NSD1: variants seen among roughly 807,000 people sequenced by gnomAD.
NSD1 encodes the protein nuclear receptor binding SET domain protein 1.
NSD1 carries 26 observed loss-of-function variants against 242.7 expected under a neutral mutation model. That is an observed-to-expected ratio of 0.11 (90% CI 0.08 to 0.15). The LOEUF (loss-of-function observed/expected upper bound fraction) is 0.15. Among genes scored for constraint, NSD1 ranks in the 10% least tolerant of loss-of-function variants. The pLI, the probability that NSD1 is intolerant of heterozygous loss-of-function variation, is 1.00. For missense variants in NSD1, 2,495 were observed against 3,272.8 expected (o/e 0.76, Z 5.80); for synonymous variants, 1,106 against 1,178.1 (o/e 0.94, Z 1.25).
chr5:177,216,963 C>A (rs1293013231), intron 5 of NSD1, among the ~76,000 whole-genome samples: 1 of 122,100 alleles, frequency 8.2e-6, no homozygotes, highest in Non-Finnish European at 1.8e-5. Flanking sequence ...TTTTTTTTTT[C>A]TTCTCAAGAT....
At chr5:177,150,644 A>C (rs556511882) in intron 2 of NSD1, among the ~76,000 whole-genome samples, 2 of 152,158 alleles carry the variant, frequency 1.3e-5, no homozygotes, top group Non-Finnish European at 2.9e-5. Context: ...GATAAAATCT[A>C]TTTTAGAGAA....
chr5:177,242,336 T>C (rs1765937979), intron 8 of NSD1, among the ~76,000 whole-genome samples: 1 of 152,118 alleles, frequency 6.6e-6, no homozygotes, highest in South Asian at 2.1e-4. Flanking sequence ...TTGAATTGGA[T>C]ACCTGACATT....
intron 14 of NSD1, among the ~76,000 whole-genome samples, 182 bp from the exon 15 acceptor site, chr5:177,267,380 T>C (rs187702237): frequency 7.9e-5 from 12 of 152,222 alleles, no homozygotes; most frequent in Admixed American, 7.2e-4. Flanking sequence ...AACCTGAACC[T>C]GACGAGAGTT....
rs1760215711 is a variant in NSD1, at chr5:177,295,734, G to A, written c.*275G>A. On this transcript the variant is annotated 3_prime_UTR_variant, in exon 23 of 23. Transcript: ENST00000439151. This position sits in a 1 kb window ranked among gnomAD's most constrained non-coding sequence, Gnocchi z 4.3. The stretch of plus-strand genomic sequence containing the variant: ...CCCCCAACTTTTCCACATGGTCATC[G>A]TGAAATAAAAAGTCCACTCTGGAGT... 9.2e-6 allele frequency: 5 copies of A among 542,604 alleles called. No homozygotes were observed. Among genetic ancestry groups the A allele is most frequent in the South Asian group, 2.0e-5 (1 of 48,996 alleles). 33.6% of individuals were successfully genotyped at this position (542,604 alleles called of 1,614,324 possible).
chr5:177,139,818 G>T (rs941592606), intron 2 of NSD1, among the ~76,000 whole-genome samples: 27 of 151,952 alleles, frequency 1.8e-4, no homozygotes, highest in African/African-American at 6.3e-4. Context: ...TGGTATGCCT[G>T]TAGTCCCAGC....
intron 2 of NSD1, among the ~76,000 whole-genome samples, chr5:177,170,518 T>A (rs1482061033): frequency 6.6e-6 from 1 of 151,606 alleles, no homozygotes; most frequent in African/African-American, 2.4e-5. Context: ...GCCCGGCTAA[T>A]TTTTTTTGTA....
chr5:177,204,915 G>A lies in NSD1; in HGVS notation c.1236+623G>A, dbSNP rs976065493. Among the ~76,000 whole-genome samples the A allele has an allele frequency of 2.0e-5, 3 of 152,152 alleles. No individual in the cohort carries two copies. In the South Asian group the frequency reaches 6.2e-4, roughly 32 times the overall value. On this transcript the variant is annotated intron_variant, in intron 4 of 22. Transcript: ENST00000439151. ...ACTCAGTAGTGAAAATTATGACATA[G>A]CGTGACCATTCTTTTGTTATCTTTT...
At chr5:177,173,870 G>A (rs1309479358) in intron 2 of NSD1, among the ~76,000 whole-genome samples, 1 of 152,164 alleles carries the variant, frequency 6.6e-6, no homozygotes, top group East Asian at 1.9e-4. Flanking sequence ...ATTCATATGT[G>A]TTCTAATGCG....
In NSD1 at chr5:177,178,413, A is replaced by ATGG. The variant is rs1760383903; in HGVS notation, c.928-13470_928-13468dup. Reference sequence around the variant, plus strand: ...GGCTAATTTTGTATTTTTAGTAGAGATGGGGTTTCTCCATGTTGGTCGGGC... The same window carrying ATGG: ...GGCTAATTTTGTATTTTTAGTAGAGATGGTGGGGTTTCTCCATGTTGGTCGGGC... On this transcript the variant is annotated intron_variant, in intron 2 of 22. Coordinates refer to ENST00000439151, the MANE Select transcript of NSD1 (RefSeq NM_022455.5). Among the ~76,000 whole-genome samples the ATGG allele has an allele frequency of 1.1e-4, 17 of 152,102 alleles. 1 individual carries two copies. The South Asian group carries it at 3.5e-3, about 32-fold the overall frequency.
chr5:177,245,955 C>T (rs181588618), intron 9 of NSD1, among the ~76,000 whole-genome samples: 241 of 125,604 alleles, frequency 1.9e-3, no homozygotes, highest in Non-Finnish European at 2.4e-3. Context: ...CCATCTTAAT[C>T]CTTTTATTTT....
chr5:177,299,613 A>C lies in NSD1; in HGVS notation c.*4154A>C, dbSNP rs1360809089. 5 of 233,206 alleles carry C rather than the reference A, an allele frequency of 2.1e-5. No homozygotes were observed. The highest frequency in any genetic ancestry group is 4.2e-5 in the Non-Finnish European group (5 of 118,056). 14.4% of individuals were successfully genotyped at this position (233,206 alleles called of 1,614,324 possible). On this transcript the variant is annotated 3_prime_UTR_variant, in exon 23 of 23. Transcript: ENST00000439151. ...ATTTTCTAAGGAAGTGGAAAGAATT[A>C]AACTAGAAATCCACAACCTCGGAAG...
chr5:177,285,539 G>A (rs1035062998), intron 20 of NSD1, among the ~76,000 whole-genome samples: 3 of 142,974 alleles, frequency 2.1e-5, no homozygotes, highest in Non-Finnish European at 4.5e-5. Flanking sequence ...ACTCTAGCCC[G>A]GGCAACAGAG....
At chr5:177,275,668 C>G (rs941398893) in intron 17 of NSD1, among the ~76,000 whole-genome samples, 2 of 151,802 alleles carry the variant, frequency 1.3e-5, no homozygotes, top group South Asian at 2.1e-4. Flanking sequence ...CTCCTGACCT[C>G]GTGATCGGCC....
chr5:177,154,011 G>A (rs556609242), intron 2 of NSD1, among the ~76,000 whole-genome samples: 1 of 152,172 alleles, frequency 6.6e-6, no homozygotes, highest in African/African-American at 2.4e-5. Context: ...TGCTGGCTCA[G>A]TCTCTCTAAT....
intron 5 of NSD1, among the ~76,000 whole-genome samples, chr5:177,226,625 C>T (rs950906248): frequency 6.6e-6 from 1 of 152,118 alleles, no homozygotes; most frequent in Non-Finnish European, 1.5e-5. Context: ...CAGCTTAGGT[C>T]ATTTGGTTTG....
rs1307683063 is a variant in NSD1 at position 177,295,972 on chromosome 5, T to A, written c.*513T>A. 3.8e-6 allele frequency: 1 copy of A among 262,976 alleles called. No individual in the cohort carries two copies. The highest frequency in any genetic ancestry group is 2.2e-5 in the African/African-American group (1 of 46,214). The allele number at this position is 262,976 out of a possible 1,614,324, so 16.3% of individuals were successfully genotyped here. Reference sequence around the variant, plus strand: ...GATACAGGCCTCATCCCTGTGAGCCTGGATTCCAAGGCTTTCAGGAACCTT... The same window carrying A: ...GATACAGGCCTCATCCCTGTGAGCCAGGATTCCAAGGCTTTCAGGAACCTT... On this transcript the variant is annotated 3_prime_UTR_variant, in exon 23 of 23. Transcript: ENST00000439151. This position sits in a 1 kb window ranked among gnomAD's most constrained non-coding sequence, Gnocchi z 4.3.
At chr5:177,252,169 T>C (rs2149905187) in intron 12 of NSD1, among the ~76,000 whole-genome samples, 3 of 152,336 alleles carry the variant, frequency 2.0e-5, no homozygotes, top group Middle Eastern at 3.4e-3. Flanking sequence ...GGAGGGGAAG[T>C]GCAGAAGGTC....
rs543518890 is a variant in NSD1 at position 177,134,271 on chromosome 5, G to C, written c.-18+319G>C. 6.6e-6 allele frequency: 1 copy of C among 151,986 alleles called. No individual in the cohort carries two copies. Among genetic ancestry groups the C allele is most frequent in the African/African-American group, 2.4e-5 (1 of 41,390 alleles). 9.4% of individuals were successfully genotyped at this position (151,986 alleles called of 1,614,324 possible). On this transcript the variant is annotated intron_variant, in intron 1 of 22. Coordinates refer to ENST00000439151, the MANE Select transcript of NSD1 (RefSeq NM_022455.5). The surrounding 1 kb of genome is among the most constrained non-coding windows in gnomAD (Gnocchi z 4.2). ...GTAGCAGGCTGCGGGGCGCGGGGCC[G>C]GCTGCCCTCCCGCAGCAAACTTTGC...
At chr5:177,183,728 T>C (rs1163135735) in intron 2 of NSD1, among the ~76,000 whole-genome samples, 2 of 152,210 alleles carry the variant, frequency 1.3e-5, no homozygotes, top group Non-Finnish European at 2.9e-5. Context: ...AACTTTTTTT[T>C]GGACTTACTG....
Sources: allele counts gnomAD v4.1 joint callset (sites outside exome capture counted in the v4.1 genomes callset), GRCh38; gene constraint gnomAD v4.1.1; non-coding constraint Gnocchi (gnomAD v3.1); transcripts MANE v1.5; gene names NCBI Gene and HGNC (gene_info 2026-07-23, HGNC 2026-07-21).